The following SDC2 variants were observed in gnomAD, a reference collection of about 807,000 sequenced individuals.
SDC2 encodes syndecan 2, also known as syndecan-2.
Under a neutral mutation model 22.2 loss-of-function variants are expected in SDC2, and 13 were observed. That is an observed-to-expected ratio of 0.59 (90% CI 0.38 to 0.93). The LOEUF (loss-of-function observed/expected upper bound fraction) is 0.93, where lower values mean the gene tolerates loss of function less well. Ranked by LOEUF, SDC2 falls within the 40% of genes least tolerant of loss-of-function variation. The probability of loss-of-function intolerance (pLI) is 0.00; values close to 1 mark genes in which losing one functional copy is unlikely to be tolerated. For synonymous variants in SDC2, 94 were observed against 92.8 expected, an observed-to-expected ratio of 1.01 and a Z score of -0.07; for missense variants, 235 against 246.8, an observed-to-expected ratio of 0.95 and a Z score of 0.32.
chr8:96,521,871 T>C (rs1410499373), intron 1 of SDC2, among the ~76,000 whole-genome samples: 1 of 152,210 alleles, frequency 6.6e-6, no homozygotes, highest in African/African-American at 2.4e-5. Context: ...GGGGTACTTA[T>C]TGAACATTGT....
intron 1 of SDC2, among the ~76,000 whole-genome samples, chr8:96,500,377 T>C (rs1464890895): frequency 6.6e-6 from 1 of 151,920 alleles, no homozygotes; most frequent in Admixed American, 6.6e-5. Flanking sequence ...AGTGTGGAAA[T>C]GTGGCCTGGC....
intron 1 of SDC2, among the ~76,000 whole-genome samples, chr8:96,573,205 A>G (rs1398339215): frequency 2.6e-5 from 4 of 151,866 alleles, no homozygotes; most frequent in Non-Finnish European, 5.9e-5. Context: ...GGGCACAATT[A>G]TTGTCTCATT....
At chr8:96,601,849 T>C (rs1814993306) in intron 2 of SDC2, among the ~76,000 whole-genome samples, 1 of 151,214 alleles carries the variant, frequency 6.6e-6, no homozygotes, top group South Asian at 2.1e-4. Context: ...AACCTCCACC[T>C]CCAGGTTCAA....
chr8:96,518,649 G>GC (rs1813447696), intron 1 of SDC2, among the ~76,000 whole-genome samples: 2 of 152,154 alleles, frequency 1.3e-5, no homozygotes. Context: ...GAGCCACCGT[G>GC]CCTGGCCTAC....
At chr8:96,576,580 C>T (rs1045274138) in intron 1 of SDC2, among the ~76,000 whole-genome samples, 22 of 137,266 alleles carry the variant, frequency 1.6e-4, no homozygotes, top group South Asian at 2.7e-4. Flanking sequence ...CCACTACGCC[C>T]GGCTAATTTT....
In SDC2 at chr8:96,608,293, T is replaced by C. The variant is rs758450222; in HGVS notation, c.307-42T>C. ...TCTATTATTTCTTCTTTCCAACACA[T>C]TTCCTTAAATCAATGTAATCTTTCC... On this transcript the variant is annotated intron_variant, in intron 3 of 4. Transcript: ENST00000302190. 3.2e-6 allele frequency: 5 copies of C among 1,584,434 alleles called. No individual in the cohort carries two copies. In the South Asian group the frequency reaches 4.7e-5, roughly 15 times the overall value.
At chr8:96,576,514 G>T (rs1434433787) in intron 1 of SDC2, among the ~76,000 whole-genome samples, 1 of 92,526 alleles carries the variant, frequency 1.1e-5, no homozygotes, top group Admixed American at 1.2e-4. Flanking sequence ...CCGCCTCCCG[G>T]ATTCATGCCA....
At chr8:96,582,632 A>C (rs1586313576) in intron 1 of SDC2, among the ~76,000 whole-genome samples, 1 of 152,342 alleles carries the variant, frequency 6.6e-6, no homozygotes, top group Non-Finnish European at 1.5e-5. Flanking sequence ...GCTTTCCTGT[A>C]ATCAGCAGAA....
At chr8:96,588,415 G>A (rs185843254) in intron 1 of SDC2, among the ~76,000 whole-genome samples, 55 of 152,302 alleles carry the variant, frequency 3.6e-4, no homozygotes, top group African/African-American at 1.3e-3. Context: ...CCTTTACAAT[G>A]TGTGTTGCTA....
intron 1 of SDC2, among the ~76,000 whole-genome samples, chr8:96,536,636 T>A (rs1813759844): frequency 6.6e-6 from 1 of 152,222 alleles, no homozygotes; most frequent in Non-Finnish European, 1.5e-5. Context: ...TTAGGTGGAT[T>A]GTCATCATAT....
intron 1 of SDC2, among the ~76,000 whole-genome samples, chr8:96,566,767 T>C (rs1351156621): frequency 6.6e-6 from 1 of 152,068 alleles, no homozygotes; most frequent in Non-Finnish European, 1.5e-5. Flanking sequence ...TGTGCCCTGT[T>C]TTCATGCTTT....
Position 96,602,409 on chromosome 8 carries a change from G to A in SDC2, c.187G>A (p.Val63Ile). ...SASGSGADED[V>I]ESPELTTSRP... is the part of the protein sequence containing the mutation. ...TACTTTTCCAGGAGCTGATGAGGAT[G>A]TAGAGAGTCCAGAGCTGACAACATC... is the stretch of plus-strand genomic sequence containing the variant. Residue 63 changes from valine to isoleucine, a missense_variant, in exon 3 of 5, where the codon GTA (valine) becomes ATA (isoleucine). Val to Ile is a conservative substitution (Grantham distance 29, BLOSUM62 3). Transcript: ENST00000302190. 2 of 1,614,120 alleles carry A rather than the reference G, an allele frequency of 1.2e-6. No homozygotes were observed. The highest frequency in any genetic ancestry group is 1.7e-6 in the Non-Finnish European group (2 of 1,179,966).
intron 2 of SDC2, among the ~76,000 whole-genome samples, chr8:96,593,969 C>T (rs1814829522): frequency 6.6e-6 from 1 of 152,108 alleles, no homozygotes. Flanking sequence ...TGGAAACCAC[C>T]CTTCAAGAAA....
rs1446929506 is a variant in SDC2, at chr8:96,609,537, T to A, written c.595T>A (p.Phe199Ile). The change falls in exon 5 of 5, where the codon TTT (phenylalanine) becomes ATT (isoleucine). Residue 199 changes from phenylalanine to isoleucine, a missense_variant. Coordinates refer to ENST00000302190, the MANE Select transcript of SDC2 (RefSeq NM_002998.4). ...AAYQKAPTKE[F>I]YA ...TTATCAGAAGGCACCTACTAAGGAG[T>A]TTTATGCGTAAAACTCCAACTTAGT... The A allele has an allele frequency of 1.3e-6, 2 of 1,586,656 alleles. No homozygotes were observed. Among genetic ancestry groups the A allele is most frequent in the East Asian group, 2.3e-5 (1 of 43,768 alleles).
chr8:96,518,776 C>A (rs1313100958), intron 1 of SDC2, among the ~76,000 whole-genome samples: 3 of 152,132 alleles, frequency 2.0e-5, no homozygotes, highest in African/African-American at 7.2e-5. Context: ...ACAGCTGGTG[C>A]ATGAATAGAG....
At position 96,532,412 on chromosome 8, in the gene SDC2, G is replaced by GTTTT. The variant is rs35452131; in HGVS notation, c.60+38101_60+38104dup. ...CCTGAGTCTCTCTGCTTATTGAGGC[G>GTTTT]TTTTTTTTTTTTTTTTTTTTTTTGG... On this transcript the variant is annotated intron_variant, in intron 1 of 4. Coordinates refer to ENST00000302190, the MANE Select transcript of SDC2 (RefSeq NM_002998.4). Among the ~76,000 whole-genome samples the GTTTT allele has an allele frequency of 8.6e-3, 411 of 47,772 alleles. 18 individuals are homozygous for GTTTT. The highest frequency in any genetic ancestry group is 0.017 in the African/African-American group (163 of 9,536). The allele number at this position is 47,772 out of a possible 152,430, so 31.3% of individuals were successfully genotyped here.
intron 1 of SDC2, among the ~76,000 whole-genome samples, chr8:96,551,192 C>A (rs1475114565): frequency 2.0e-5 from 3 of 152,292 alleles, no homozygotes; most frequent in Admixed American, 1.3e-4. Flanking sequence ...TGCAGAGACA[C>A]CTGTCACAGC....
At chr8:96,532,930 C>T (rs1351561091) in intron 1 of SDC2, among the ~76,000 whole-genome samples, 1 of 152,146 alleles carries the variant, frequency 6.6e-6, no homozygotes. Flanking sequence ...TTCTTAAGTA[C>T]ATACTGTATC....
chr8:96,533,075 C>G lies in SDC2; in HGVS notation c.60+38744C>G, dbSNP rs1163782735. On this transcript the variant is annotated intron_variant, in intron 1 of 4. Coordinates refer to ENST00000302190, the MANE Select transcript of SDC2 (RefSeq NM_002998.4). The stretch of plus-strand genomic sequence containing the variant: ...TGTTTAGATGTGTTTGGAGTTTTTT[C>G]CTTCTGGTGGGTGCTTGGTCTCGCT... 5.3e-5 allele frequency among the ~76,000 whole-genome samples: 8 copies of G among 152,160 alleles called. No homozygotes were observed. The East Asian group carries it at 1.5e-3, about 29-fold the overall frequency.
Sources: allele counts gnomAD v4.1 joint callset (sites outside exome capture counted in the v4.1 genomes callset), GRCh38; gene constraint gnomAD v4.1.1; transcripts MANE v1.5; gene names NCBI Gene and HGNC (gene_info 2026-07-23, HGNC 2026-07-21).